Variants in ANAPC5 observed in about 807,000 individuals in gnomAD.
ANAPC5 encodes the protein anaphase promoting complex subunit 5, also known as anaphase-promoting complex subunit 5.
A neutral mutation model predicts 91.3 loss-of-function variants in ANAPC5; 60 were observed. The observed-to-expected ratio is 0.66, with a 90% CI of 0.53 to 0.81. ANAPC5 has a LOEUF of 0.81. Ranked by LOEUF, ANAPC5 falls within the 40% of genes least tolerant of loss-of-function variation. ANAPC5 has a pLI of 0.00. For missense variants in ANAPC5, 690 were observed against 931.5 expected (o/e 0.74, Z 3.37); for synonymous variants, 340 against 364.1 (o/e 0.93, Z 0.75).
rs371525321 is a variant in ANAPC5, at chr12:121,328,439, G to A, written c.1181C>T (p.Thr394Met). 3 of 1,613,876 alleles carry A rather than the reference G, an allele frequency of 1.9e-6. No individual in the cohort carries two copies. Among genetic ancestry groups the A allele is most frequent in the African/African-American group, 1.3e-5 (1 of 74,908 alleles). Residue 394 changes from threonine to methionine, a missense_variant, in exon 10 of 17, where the codon ACG becomes ATG. By Grantham distance (81) the Thr-to-Met change is moderately conservative (BLOSUM62 -1). This residue lies in a region of ANAPC5 where 16 missense variants were observed against 49.5 expected (regional missense o/e 0.32). Transcript: ENST00000261819. ...LVQQRAFAGK[T>M]ANKLMDALKD... ...TAGGGCATCCATCAGCTTGTTTGCC[G>A]TCTTCCCAGCAAAAGCTCTCTGTTG...
intron 7 of ANAPC5, chr12:121,333,341 T>A (rs1330520409): frequency 6.6e-6 from 1 of 152,078 alleles, no homozygotes. Context: ...AATTAATTAA[T>A]TAAATAAAGA....
chr12:121,322,171 T>A (rs1902643433), intron 11 of ANAPC5, among the ~76,000 whole-genome samples: 1 of 148,014 alleles, frequency 6.8e-6, no homozygotes, highest in African/African-American at 2.5e-5. Context: ...GCCTGTTTTT[T>A]TTTTTGAGAG....
rs1402693594 is a variant in ANAPC5, at chr12:121,352,192, C to A, written c.149G>T (p.Gly50Val). The change falls in exon 1 of 17, where the codon GGC becomes GTC. Residue 50 changes from glycine (G) to valine (V), a missense_variant. Coordinates refer to ENST00000261819, the MANE Select transcript of ANAPC5 (RefSeq NM_016237.5). ...LLNEMSRTGEGAVSLMERRRL... is the reference protein window; with the variant it reads ...LLNEMSRTGEVAVSLMERRRL... ...CCGCCGCTCCATGAGGCTGACGGCG[C>A]CCTCGCCTGTGCGGCTCATCTCGTT... 1 of 1,613,816 alleles carries A rather than the reference C, an allele frequency of 6.2e-7. No homozygotes were observed. Among genetic ancestry groups the A allele is most frequent in the South Asian group, 1.1e-5 (1 of 91,086 alleles).
Position 121,352,201 on chromosome 12 carries a change from G to T in ANAPC5, c.140C>A (p.Thr47Lys). ...VLVLLNEMSR[T>K]GEGAVSLMER... ...CATGAGGCTGACGGCGCCCTCGCCT[G>T]TGCGGCTCATCTCGTTCAGCAGCAC... The change falls in exon 1 of 17, where the codon ACA (threonine) becomes AAA (lysine). Residue 47 changes from threonine to lysine, a missense_variant. By Grantham distance (78) the Thr-to-Lys change is moderately conservative. Transcript: ENST00000261819. 2 of 1,614,072 alleles carry T rather than the reference G, an allele frequency of 1.2e-6. No individual in the cohort carries two copies. Among genetic ancestry groups the T allele is most frequent in the Non-Finnish European group, 8.5e-7 (1 of 1,179,988 alleles).
chr12:121,308,667 AG>A lies in ANAPC5; in HGVS notation c.2080del (p.Leu694SerfsTer58). On this transcript the variant is annotated frameshift_variant, in exon 17 of 17. Transcript: ENST00000261819. LOFTEE classifies it high-confidence loss of function. ...TGCAAAATAGTTCTTGGCTTCATTG[AG>A]GTTCTCGATGGCAGCCTCCAGAGCT... Reference protein sequence around the residue: ...AEALEAAIENLNEAKNYFAKV... With the variant: ...AEALEAAIENXNEAKNYFAKV... 6.2e-7 allele frequency: 1 copy of A among 1,614,172 alleles called. No homozygotes were observed. The highest frequency in any genetic ancestry group is 8.5e-7 in the Non-Finnish European group (1 of 1,180,028).
chr12:121,339,185 G>A (rs551186122), intron 5 of ANAPC5, among the ~76,000 whole-genome samples: 3 of 151,554 alleles, frequency 2.0e-5, no homozygotes, highest in Non-Finnish European at 2.9e-5. Flanking sequence ...AAGTAGCTGG[G>A]ATTACAAGCA....
At position 121,347,798 on chromosome 12, in the gene ANAPC5, T is replaced by C. The variant is rs782633186; in HGVS notation, c.287+4A>G. 2.5e-6 allele frequency: 4 copies of C among 1,605,158 alleles called. No homozygotes were observed. ...TCATATATAAAGAAGAAAATGAAGT[T>C]TACCTGATCTGCACTGAATTTGCCA... On this transcript the variant is annotated splice_donor_region_variant and intron_variant, in intron 2 of 16. Transcript: ENST00000261819.
At chr12:121,346,766 A>G in intron 3 of ANAPC5, 130 bp downstream of exon 3, 1 of 523,870 alleles carries the variant, frequency 1.9e-6, no homozygotes, top group Non-Finnish European at 3.3e-6. Context: ...GGCAATAAAT[A>G]CAAACTGCAA....
intron 8 of ANAPC5, chr12:121,331,012 T>G: frequency 2.6e-6 from 1 of 391,300 alleles, no homozygotes; most frequent in East Asian, 5.1e-5. Context: ...CCTGGTGATT[T>G]TGCTATTACA....
At chr12:121,335,749 T>C (rs3751162) in intron 6 of ANAPC5, 26 bp from the exon 7 acceptor site, 1,360,955 of 1,586,630 alleles carry the variant, frequency 0.86, 596,999 homozygotes, top group Non-Finnish European at 0.9. Context: ...ATCAATGTAT[T>C]TTAAACGCTG....
At chr12:121,333,148 T>G (rs782698170) in intron 7 of ANAPC5, 1 of 152,138 alleles carries the variant, frequency 6.6e-6, no homozygotes, top group Non-Finnish European at 1.5e-5. Flanking sequence ...AAATCCCATC[T>G]CTACTAAAAA....
rs1362566997 is a variant in ANAPC5 at position 121,335,632 on chromosome 12, G to A, written c.851C>T (p.Thr284Ile). ...CCCATTACTTTTGCTTTCGGCTCCG[G>A]TAAGAATCAGACGATCAAAATAATG... is the stretch of plus-strand genomic sequence containing the variant. ...LLHYFDRLIL[T>I]GAESKSNGEE... The change falls in exon 7 of 17, where the codon ACC (threonine) becomes ATC (isoleucine). Residue 284 changes from threonine to isoleucine, a missense_variant. Coordinates refer to ENST00000261819, the MANE Select transcript of ANAPC5 (RefSeq NM_016237.5). The A allele has an allele frequency of 1.2e-6, 2 of 1,614,146 alleles. No individual in the cohort carries two copies. Among genetic ancestry groups the A allele is most frequent in the South Asian group, 2.2e-5 (2 of 91,078 alleles).
intron 8 of ANAPC5, 114 bp downstream of exon 8, chr12:121,331,233 C>T: frequency 1.2e-6 from 1 of 807,834 alleles, no homozygotes; most frequent in African/African-American, 1.7e-5. Flanking sequence ...TAACTTGTTT[C>T]CTTTTGCTGC....
chr12:121,330,637 A>G lies in ANAPC5; in HGVS notation c.1068T>C (p.Asp356=). 6.2e-7 allele frequency: 1 copy of G among 1,614,160 alleles called. No individual in the cohort carries two copies. Among genetic ancestry groups the G allele is most frequent in the Non-Finnish European group, 8.5e-7 (1 of 1,180,004 alleles). Residue 356 remains aspartate, a synonymous_variant, in exon 9 of 17, where the codon GAT becomes GAC. Transcript: ENST00000261819. ...WLYVLGQKRS[D]SYVLLEHSVK... is the part of the protein sequence containing the mutation. ...CAGAATGCTCCAGCAGAACATAGCT[A>G]TCGGATCTCTTCTGCCCCAGCACAT...
chr12:121,331,546 A>G (rs1021862934), intron 7 of ANAPC5, 118 bp from the exon 8 acceptor site: 1 of 768,478 alleles, frequency 1.3e-6, no homozygotes, highest in Non-Finnish European at 2.1e-6. Flanking sequence ...TGGAAGCTGT[A>G]ACTATTTCTG....
chr12:121,342,086 A>C lies in ANAPC5; in HGVS notation c.591-17T>G. The stretch of plus-strand genomic sequence containing the variant: ...TCCTCTTCTCTGGAAAAAATAAAAA[A>C]ACAAAAATAGTAAAGAATTACACAA... On this transcript the variant is annotated splice_polypyrimidine_tract_variant and intron_variant, in intron 4 of 16. Transcript: ENST00000261819. This position sits in a 1 kb window ranked among gnomAD's most constrained non-coding sequence, Gnocchi z 4.1. The C allele has an allele frequency of 6.4e-7, 1 of 1,566,280 alleles. No homozygotes were observed.
intron 11 of ANAPC5, among the ~76,000 whole-genome samples, chr12:121,323,613 T>A (rs780513001): frequency 1.3e-5 from 2 of 152,180 alleles, no homozygotes; most frequent in Non-Finnish European, 2.9e-5. Flanking sequence ...ATTACAAGTA[T>A]AAAGATAAAC....
At chr12:121,332,253 G>A (rs1440749861) in intron 7 of ANAPC5, 1 of 152,160 alleles carries the variant, frequency 6.6e-6, no homozygotes, top group East Asian at 1.9e-4. Context: ...ATGAGCTATG[G>A]TGCCCAGCCC....
rs771701266 is a variant in ANAPC5 at position 121,318,486 on chromosome 12, C to G, written c.1745+15G>C. The G allele has an allele frequency of 2.8e-5, 45 of 1,613,336 alleles. 1 individual carries two copies. The highest frequency in any genetic ancestry group is 7.6e-6 in the Non-Finnish European group (9 of 1,179,566). ...CACCACCACATCTCCGTGAGATGTA[C>G]AAGAGACCCCTTACCTGATCACCAT... On this transcript the variant is annotated intron_variant, in intron 14 of 16. Transcript: ENST00000261819.
Sources: allele counts gnomAD v4.1 joint callset (sites outside exome capture counted in the v4.1 genomes callset), GRCh38; gene constraint gnomAD v4.1.1; regional missense constraint gnomAD v4.1.1; non-coding constraint Gnocchi (gnomAD v3.1); transcripts MANE v1.5; gene names NCBI Gene and HGNC (gene_info 2026-07-23, HGNC 2026-07-21).